Variants in USP37 observed in about 807,000 individuals in gnomAD.
The protein encoded by USP37 is ubiquitin specific peptidase 37.
USP37 carries 27 observed loss-of-function variants against 124.0 expected under a neutral mutation model. The ratio of observed to expected loss-of-function variants is 0.22; its 90% CI spans 0.16 to 0.30. The LOEUF (loss-of-function observed/expected upper bound fraction) is 0.30, where lower values mean the gene tolerates loss of function less well. Ranked by LOEUF, USP37 falls within the 10% of genes least tolerant of loss-of-function variation. The pLI is 1.00. For missense variants in USP37, 889 were observed against 1,140.4 expected, an observed-to-expected ratio of 0.78 and a Z score of 3.17; for synonymous variants, 365 against 388.0, an observed-to-expected ratio of 0.94 and a Z score of 0.70.
chr2:218,503,175 C>T (rs2105995912), intron 11 of USP37, among the ~76,000 whole-genome samples: 1 of 152,196 alleles, frequency 6.6e-6, no homozygotes, highest in African/African-American at 2.4e-5. Context: ...CGACATTCTT[C>T]ATGCAGAAGG....
In USP37 at chr2:218,453,100, A is replaced by AC. The variant is rs750168106; in HGVS notation, c.*1829_*1830insG. ...CAAAGCATTTATCAGTAGTTGAGCAAAACTGCTGAGGCCATTTATAATTCA... is the reference window on the plus strand; with the variant it reads ...CAAAGCATTTATCAGTAGTTGAGCAACAACTGCTGAGGCCATTTATAATTCA... On this transcript the variant is annotated 3_prime_UTR_variant, in exon 26 of 26. Coordinates refer to ENST00000258399, the MANE Select transcript of USP37 (RefSeq NM_020935.3). 1 of 152,222 alleles carries AC rather than the reference A, an allele frequency of 6.6e-6. No homozygotes were observed. Among genetic ancestry groups the AC allele is most frequent in the Non-Finnish European group, 1.5e-5 (1 of 68,034 alleles). The allele number at this position is 152,222 out of a possible 1,614,324, so 9.4% of individuals were successfully genotyped here.
At chr2:218,496,029 C>T in intron 13 of USP37, 79 bp from the exon 14 acceptor site, 1 of 1,419,804 alleles carries the variant, frequency 7.0e-7, no homozygotes, top group Non-Finnish European at 9.5e-7. Flanking sequence ...TGTTGTGCCT[C>T]ATACCTGTAA....
intron 10 of USP37, among the ~76,000 whole-genome samples, chr2:218,514,630 T>C (rs901065573): frequency 1.3e-5 from 2 of 152,206 alleles, no homozygotes; most frequent in African/African-American, 2.4e-5. Context: ...AAGTTTCTAT[T>C]TTTCCTTTTG....
intron 14 of USP37, among the ~76,000 whole-genome samples, chr2:218,488,965 A>C (rs1691752556): frequency 6.6e-6 from 1 of 152,090 alleles, no homozygotes; most frequent in African/African-American, 2.4e-5. Flanking sequence ...GCAACCCCCA[A>C]ACTTTAAAAA....
At chr2:218,499,749 T>G (rs1471043912) in intron 11 of USP37, among the ~76,000 whole-genome samples, 3 of 152,158 alleles carry the variant, frequency 2.0e-5, no homozygotes, top group Admixed American at 6.6e-5. Flanking sequence ...GACACTGACA[T>G]TTTTGAAGAA....
At chr2:218,547,253 C>G (rs747487647) in intron 6 of USP37, among the ~76,000 whole-genome samples, 162 bp from the exon 7 acceptor site, 33 of 152,032 alleles carry the variant, frequency 2.2e-4, no homozygotes, top group Non-Finnish European at 4.0e-4. Context: ...CACTTGAGCT[C>G]AATAGTTTGA....
chr2:218,546,532 C>T (rs925699909), intron 7 of USP37, among the ~76,000 whole-genome samples: 3 of 152,170 alleles, frequency 2.0e-5, no homozygotes, highest in Non-Finnish European at 4.4e-5. Context: ...GATTCTCCTG[C>T]CTCAGCCTCC....
At position 218,553,792 on chromosome 2, in the gene USP37, A is replaced by G. The variant is rs1574960254; in HGVS notation, c.157-68T>C. ...AACTAAGTATAACAATCTGTATAATAAATACTAAACTTTATACTTTCCATG... is the reference window on the plus strand; with the variant it reads ...AACTAAGTATAACAATCTGTATAATGAATACTAAACTTTATACTTTCCATG... On this transcript the variant is annotated intron_variant, in intron 4 of 25. Coordinates refer to ENST00000258399, the MANE Select transcript of USP37 (RefSeq NM_020935.3). 6.4e-6 allele frequency: 9 copies of G among 1,415,288 alleles called. No individual in the cohort carries two copies. The East Asian group carries it at 2.2e-4, about 35-fold the overall frequency. The allele number at this position is 1,415,288 out of a possible 1,614,324, so 87.7% of individuals were successfully genotyped here. A position where few individuals can be genotyped will look rare whatever the true frequency, so the allele number is the denominator to read the frequency against.
chr2:218,499,410 CCT>C (rs1269259258), intron 11 of USP37, among the ~76,000 whole-genome samples: 2 of 151,760 alleles, frequency 1.3e-5, no homozygotes. Flanking sequence ...ACTTAATATC[CCT>C]CTCTCTATAT....
intron 21 of USP37, among the ~76,000 whole-genome samples, chr2:218,463,845 T>G (rs1273397561): frequency 6.9e-6 from 1 of 144,146 alleles, no homozygotes; most frequent in Non-Finnish European, 1.5e-5. Context: ...CACTCCAGTA[T>G]TTTTTAAGAT....
At chr2:218,552,354 G>T (rs1319272015) in intron 5 of USP37, among the ~76,000 whole-genome samples, 1 of 152,166 alleles carries the variant, frequency 6.6e-6, no homozygotes, top group Admixed American at 6.5e-5. Context: ...GTAAAATGTT[G>T]AAGATGACAG....
At chr2:218,465,712 C>G (rs1011926805) in intron 21 of USP37, among the ~76,000 whole-genome samples, 2 of 152,092 alleles carry the variant, frequency 1.3e-5, no homozygotes, top group African/African-American at 4.8e-5. Context: ...TGTGTGCCAC[C>G]ATGCCTGGCT....
At position 218,453,710 on chromosome 2, in the gene USP37, GATAA is replaced by G. The variant is rs1365274507; in HGVS notation, c.*1216_*1219del. The G allele has an allele frequency of 1.5e-4, 23 of 152,326 alleles. No homozygotes were observed. The highest frequency in any genetic ancestry group is 5.5e-4 in the African/African-American group (23 of 41,570). The allele number at this position is 152,326 out of a possible 1,614,324, so 9.4% of individuals were successfully genotyped here. A position where few individuals can be genotyped will look rare whatever the true frequency, so the allele number is the denominator to read the frequency against. On this transcript the variant is annotated 3_prime_UTR_variant, in exon 26 of 26. Coordinates refer to ENST00000258399, the MANE Select transcript of USP37 (RefSeq NM_020935.3). ...CTCAACTCAGAGCACCTAAAAAGTA[GATAA>G]ATAAATTATGCACCTTTGTTATTTG... is the stretch of plus-strand genomic sequence containing the variant.
chr2:218,488,175 CAAAA>C (rs66581703), intron 15 of USP37, 125 bp downstream of exon 15: 20,422 of 339,774 alleles, frequency 0.06, no homozygotes, highest in South Asian at 0.09. Context: ...GACCCTGTCT[CAAAA>C]AAAAAAAAAA....
intron 2 of USP37, among the ~76,000 whole-genome samples, chr2:218,561,309 C>T (rs1321689850): frequency 6.6e-6 from 1 of 152,220 alleles, no homozygotes; most frequent in African/African-American, 2.4e-5. Flanking sequence ...TGGCTTCCTT[C>T]TTGATAATTA....
chr2:218,514,718 T>C lies in USP37; in HGVS notation c.864-4578A>G, dbSNP rs186966568. 7.5e-4 allele frequency among the ~76,000 whole-genome samples: 115 copies of C among 152,330 alleles called. 1 individual carries two copies. Among genetic ancestry groups the C allele is most frequent in the African/African-American group, 2.5e-3 (106 of 41,586 alleles). Reference sequence around the variant, plus strand: ...TCATCAAACTTTTGTCCACTAATTTTAGCACCCAATGATACATTTTGACTG... The same window carrying C: ...TCATCAAACTTTTGTCCACTAATTTCAGCACCCAATGATACATTTTGACTG... On this transcript the variant is annotated intron_variant, in intron 10 of 25. Coordinates refer to ENST00000258399, the MANE Select transcript of USP37 (RefSeq NM_020935.3).
At position 218,463,378 on chromosome 2, in the gene USP37, A is replaced by C; in HGVS notation, c.2467-12T>G. 1.2e-6 allele frequency: 2 copies of C among 1,613,824 alleles called. No homozygotes were observed. The highest frequency in any genetic ancestry group is 1.7e-6 in the Non-Finnish European group (2 of 1,179,830). On this transcript the variant is annotated splice_polypyrimidine_tract_variant and intron_variant, in intron 21 of 25. Coordinates refer to ENST00000258399, the MANE Select transcript of USP37 (RefSeq NM_020935.3). ...TGTTCCCAAGCCTCCTAAAGGGAAA[A>C]GAACAAAAACTAAGGTATTTAAAGA... is the stretch of plus-strand genomic sequence containing the variant.
Position 218,454,415 on chromosome 2 carries a change from A to G in USP37, c.*515T>C, listed in dbSNP as rs1689587249. On this transcript the variant is annotated 3_prime_UTR_variant, in exon 26 of 26. Transcript: ENST00000258399. ...TCCAGTGAATTTTACTAATAAGGAA[A>G]CACAAAAGGTTACAGACTTGAGTGA... 6.5e-6 allele frequency: 1 copy of G among 152,728 alleles called. No homozygotes were observed. Among genetic ancestry groups the G allele is most frequent in the Non-Finnish European group, 1.5e-5 (1 of 68,092 alleles). 9.5% of individuals were successfully genotyped at this position (152,728 alleles called of 1,614,324 possible). A position where few individuals can be genotyped will look rare whatever the true frequency, so the allele number is the denominator to read the frequency against.
chr2:218,503,454 C>A (rs912041980), intron 11 of USP37, among the ~76,000 whole-genome samples: 2 of 152,208 alleles, frequency 1.3e-5, no homozygotes, highest in African/African-American at 2.4e-5. Flanking sequence ...CGGTGGCTCA[C>A]GCCTGTAATC....
Sources: gnomAD v4.1 joint callset for allele counts (sites outside exome capture counted in the v4.1 genomes callset) on GRCh38, gnomAD v4.1.1 for gene constraint, MANE v1.5 for transcripts, NCBI Gene and HGNC (gene_info 2026-07-23, HGNC 2026-07-21) for gene names.